CEP63: variants seen among roughly 807,000 people sequenced by gnomAD.
CEP63 encodes the protein centrosomal protein of 63 kDa.
A neutral mutation model predicts 89.1 loss-of-function variants in CEP63; 84 were observed. That is an observed-to-expected ratio of 0.94 (90% confidence interval 0.79 to 1.13). The LOEUF (loss-of-function observed/expected upper bound fraction) is 1.13. Ranked by LOEUF, CEP63 falls within the 50% of genes most tolerant of loss-of-function variation. The pLI, the probability that CEP63 is intolerant of heterozygous loss-of-function variation, is 0.00. For missense variants in CEP63, 838 were observed against 813.3 expected (o/e 1.03, Z -0.37); for synonymous variants, 267 against 272.5 (o/e 0.98, Z 0.20).
At chr3:134,490,001 C>T (rs1264163437) in intron 1 of CEP63, among the ~76,000 whole-genome samples, 5 of 152,026 alleles carry the variant, frequency 3.3e-5, no homozygotes. Context: ...TCCTTGCTTT[C>T]TGGTAAATAA....
chr3:134,760,089 C>T, the CEP63 span, among the ~76,000 whole-genome samples: 2,688 of 140,312 alleles, frequency 0.019, 37 homozygotes, highest in Non-Finnish European at 0.027. Flanking sequence ...GACGGAGTCT[C>T]GCTCTGTCGC....
At chr3:134,629,925 G>A in the CEP63 span, among the ~76,000 whole-genome samples, 3 of 152,298 alleles carry the variant, frequency 2.0e-5, no homozygotes, top group Non-Finnish European at 4.4e-5. Flanking sequence ...CCCACTGAAT[G>A]CAATTATAAA....
intron 3 of CEP63, among the ~76,000 whole-genome samples, chr3:134,530,147 A>G (rs138347179): frequency 3.2e-4 from 49 of 152,286 alleles, no homozygotes; most frequent in African/African-American, 1.1e-3. Context: ...TGCTGGGATT[A>G]CAGGCATGAG....
chr3:134,623,743 G>A, the CEP63 span, among the ~76,000 whole-genome samples: 2 of 152,144 alleles, frequency 1.3e-5, no homozygotes, highest in African/African-American at 2.4e-5. Flanking sequence ...CTTTGATGCT[G>A]CAGTAGCCGA....
chr3:134,520,637 A>T (rs1346546368), intron 3 of CEP63, among the ~76,000 whole-genome samples: 1 of 152,184 alleles, frequency 6.6e-6, no homozygotes, highest in Non-Finnish European at 1.5e-5. Flanking sequence ...AGAAAACAAG[A>T]TTTATTAAAA....
the CEP63 span, among the ~76,000 whole-genome samples, chr3:134,726,269 C>T: frequency 6.6e-6 from 1 of 152,132 alleles, no homozygotes; most frequent in Non-Finnish European, 1.5e-5. Context: ...TCGTGCCGGC[C>T]TCAGGCCTTT....
At chr3:134,722,638 A>G in the CEP63 span, among the ~76,000 whole-genome samples, 3 of 151,960 alleles carry the variant, frequency 2.0e-5, no homozygotes, top group African/African-American at 7.3e-5. Flanking sequence ...TTTTTATGTA[A>G]TCTGAGAAAA....
chr3:134,522,892 G>A (rs1449845924), intron 3 of CEP63, among the ~76,000 whole-genome samples: 5 of 152,094 alleles, frequency 3.3e-5, no homozygotes, highest in Non-Finnish European at 7.4e-5. Flanking sequence ...CTGATGGAAC[G>A]ATTTACATTT....
chr3:134,627,773 C>G, the CEP63 span: 1 of 1,613,908 alleles, frequency 6.2e-7, no homozygotes, highest in Non-Finnish European at 8.5e-7. Context: ...ATCTTTCCCT[C>G]CAGGTTGCCG....
chr3:134,686,795 G>C, the CEP63 span, among the ~76,000 whole-genome samples: 3 of 152,184 alleles, frequency 2.0e-5, no homozygotes, highest in East Asian at 5.8e-4. Flanking sequence ...ATGGAGTAAA[G>C]CAATATCATT....
At chr3:134,769,295 G>C in the CEP63 span, among the ~76,000 whole-genome samples, 1 of 152,178 alleles carries the variant, frequency 6.6e-6, no homozygotes, top group African/African-American at 2.4e-5. Context: ...TACTGAATCA[G>C]AATGTGTGGT....
the CEP63 span, among the ~76,000 whole-genome samples, chr3:134,682,675 AATG>A: frequency 2.1e-4 from 32 of 152,122 alleles, no homozygotes; most frequent in African/African-American, 7.2e-4. Context: ...GTCTATTAGG[AATG>A]TTACTGATGA....
At chr3:134,647,029 G>T in the CEP63 span, among the ~76,000 whole-genome samples, 1 of 152,152 alleles carries the variant, frequency 6.6e-6, no homozygotes, top group Non-Finnish European at 1.5e-5. Flanking sequence ...CCCTTGAGTG[G>T]CATCTTCTCA....
chr3:134,648,505 C>A, the CEP63 span, among the ~76,000 whole-genome samples: 5 of 152,222 alleles, frequency 3.3e-5, no homozygotes, highest in Admixed American at 3.3e-4. Context: ...ATATCCTCTA[C>A]TGCTGCAGGA....
chr3:134,759,827 G>A, the CEP63 span, among the ~76,000 whole-genome samples: 1 of 152,152 alleles, frequency 6.6e-6, no homozygotes, highest in African/African-American at 2.4e-5. Flanking sequence ...AAGGTGCCTG[G>A]AACTCTTTTC....
chr3:134,665,702 C>CACAGAGAGAG, the CEP63 span, among the ~76,000 whole-genome samples: 56 of 102,374 alleles, frequency 5.5e-4, no homozygotes, highest in African/African-American at 2.1e-3. Flanking sequence ...CACACACACA[C>CACAGAGAGAG]AGAGAGAGAG....
At chr3:134,647,467 C>A in the CEP63 span, 1 of 1,612,486 alleles carries the variant, frequency 6.2e-7, no homozygotes, top group Non-Finnish European at 8.5e-7. Flanking sequence ...TTTCTGCCAT[C>A]TTCGGACTCC....
intron 9 of CEP63, among the ~76,000 whole-genome samples, chr3:134,548,584 A>G (rs76052704): frequency 1.1e-3 from 166 of 152,358 alleles, no homozygotes; most frequent in African/African-American, 3.9e-3. Context: ...TGCTTTTAAC[A>G]TGAACTGTTA....
In CEP63 at chr3:134,537,254, T is replaced by G; in HGVS notation, c.541T>G (p.Ser181Ala). ...EAQRKALAEQ[S>A]EIIQAQLVNR... ...ACAAAGGAAGGCTCTGGCTGAACAA[T>G]CAGAGATAATTCAGGTAGGCCTAAG... Residue 181 changes from serine to alanine, a missense_variant, in exon 6 of 15, where the codon TCA becomes GCA. Transcript: ENST00000675561. 6.2e-7 allele frequency: 1 copy of G among 1,607,322 alleles called. No homozygotes were observed. Among genetic ancestry groups the G allele is most frequent in the Non-Finnish European group, 8.5e-7 (1 of 1,173,802 alleles).
Sources: allele counts gnomAD v4.1 joint callset (sites outside exome capture counted in the v4.1 genomes callset), GRCh38; gene constraint gnomAD v4.1.1; transcripts MANE v1.5; gene names NCBI Gene and HGNC (gene_info 2026-07-23, HGNC 2026-07-21).